DPY19L1: variants seen among roughly 807,000 people sequenced by gnomAD.
DPY19L1 encodes protein C-mannosyl-transferase DPY19L1.
In DPY19L1, 35 loss-of-function variants were observed where a neutral mutation model predicts 96.9. The ratio of observed to expected loss-of-function variants is 0.36; its 90% confidence interval spans 0.28 to 0.48. The LOEUF is 0.48. Ranked by LOEUF, DPY19L1 falls within the 20% of genes least tolerant of loss-of-function variation. DPY19L1 has a pLI of 0.99. For synonymous variants in DPY19L1, 205 were observed against 252.6 expected (o/e 0.81, Z 1.79); for missense variants, 521 against 777.9 (o/e 0.67, Z 3.93).
intron 6 of DPY19L1, among the ~76,000 whole-genome samples, chr7:34,990,291 A>C (rs328913): frequency 0.25 from 38,759 of 152,046 alleles, 5,233 homozygotes; most frequent in Non-Finnish European, 0.31. Context: ...ATGTCCTTCA[A>C]CATTTCTCAA....
intron 6 of DPY19L1, among the ~76,000 whole-genome samples, chr7:35,006,091 CA>C (rs1413457071): frequency 2.0e-5 from 3 of 152,098 alleles, no homozygotes; most frequent in East Asian, 1.9e-4. Context: ...GCACCCTTTT[CA>C]AAAGAGAAAG....
intron 1 of DPY19L1, among the ~76,000 whole-genome samples, chr7:35,020,600 A>C (rs190550719): frequency 6.6e-6 from 1 of 152,298 alleles, no homozygotes; most frequent in East Asian, 1.9e-4. Context: ...GATATTGTTA[A>C]GGCATTTATT....
At chr7:34,967,155 A>G (rs751139887) in intron 9 of DPY19L1, among the ~76,000 whole-genome samples, 184 bp from the exon 10 acceptor site, 4 of 152,102 alleles carry the variant, frequency 2.6e-5, no homozygotes, top group Non-Finnish European at 5.9e-5. Context: ...ATATTGGTTG[A>G]TTTTTCTCTC....
intron 10 of DPY19L1, among the ~76,000 whole-genome samples, chr7:34,959,484 T>C (rs1784445891): frequency 6.6e-6 from 1 of 152,122 alleles, no homozygotes; most frequent in South Asian, 2.1e-4. Flanking sequence ...TCAATGATAG[T>C]CTGGATAAAG....
intron 10 of DPY19L1, among the ~76,000 whole-genome samples, chr7:34,964,336 T>C (rs1361333381): frequency 6.6e-6 from 1 of 152,196 alleles, no homozygotes; most frequent in African/African-American, 2.4e-5. Context: ...TCAGCCATAG[T>C]TGCCTATGTG....
At chr7:34,997,507 G>A (rs1276354373) in intron 6 of DPY19L1, among the ~76,000 whole-genome samples, 4 of 149,886 alleles carry the variant, frequency 2.7e-5, no homozygotes, top group Admixed American at 6.6e-5. Context: ...CTACTCGGGA[G>A]GCTGAGGCAG....
At chr7:34,973,291 C>T (rs1784764699) in intron 8 of DPY19L1, among the ~76,000 whole-genome samples, 1 of 152,130 alleles carries the variant, frequency 6.6e-6, no homozygotes, top group Non-Finnish European at 1.5e-5. Flanking sequence ...TTTGTTCCTT[C>T]TCAAGCAATC....
rs1381974740 is a variant in DPY19L1 at position 34,930,689 on chromosome 7, T to A, written c.*884A>T. 1 of 152,190 alleles carries A rather than the reference T, an allele frequency of 6.6e-6. No individual in the cohort carries two copies. Among genetic ancestry groups the A allele is most frequent in the Non-Finnish European group, 1.5e-5 (1 of 68,028 alleles). The allele number at this position is 152,190 out of a possible 1,614,324, so 9.4% of individuals were successfully genotyped here. On this transcript the variant is annotated 3_prime_UTR_variant, in exon 22 of 22. Coordinates refer to ENST00000638088, the MANE Select transcript of DPY19L1 (RefSeq NM_001366673.1). Reference sequence around the variant, plus strand: ...TATTTGGGGTTGTTCAAAATAGTTTTTCTTAAAACTATAATTAAACATGAA... The same window carrying A: ...TATTTGGGGTTGTTCAAAATAGTTTATCTTAAAACTATAATTAAACATGAA...
At chr7:35,034,546 A>G (rs186406275) in intron 1 of DPY19L1, among the ~76,000 whole-genome samples, 1 of 152,342 alleles carries the variant, frequency 6.6e-6, no homozygotes, top group East Asian at 1.9e-4. Flanking sequence ...ATAATGCCCC[A>G]CAATAAGAAA....
At chr7:35,003,055 C>G (rs1462724286) in intron 6 of DPY19L1, among the ~76,000 whole-genome samples, 5 of 152,264 alleles carry the variant, frequency 3.3e-5, no homozygotes, top group Admixed American at 1.3e-4. Flanking sequence ...CAGGCGTGAG[C>G]CACCGTGCCC....
intron 7 of DPY19L1, among the ~76,000 whole-genome samples, chr7:34,982,296 A>G (rs1784955828): frequency 1.3e-5 from 2 of 152,320 alleles, no homozygotes; most frequent in South Asian, 4.1e-4. Context: ...ATTATGTAGA[A>G]TGTCTTGCTT....
intron 10 of DPY19L1, among the ~76,000 whole-genome samples, chr7:34,959,414 CAT>C (rs1195790233): frequency 2.0e-5 from 3 of 152,150 alleles, no homozygotes; most frequent in African/African-American, 7.2e-5. Flanking sequence ...CACATGCACA[CAT>C]ATGTTTATTG....
At chr7:35,000,821 T>G (rs1219539165) in intron 6 of DPY19L1, 2 of 152,244 alleles carry the variant, frequency 1.3e-5, no homozygotes, top group African/African-American at 2.4e-5. Flanking sequence ...AAACTTTTTA[T>G]GAAATATAAA....
intron 16 of DPY19L1, 106 bp from the exon 17 acceptor site, chr7:34,942,745 T>C: frequency 1.1e-6 from 1 of 907,688 alleles, no homozygotes; most frequent in Non-Finnish European, 1.7e-6. Context: ...TCTATAACAT[T>C]CTCTCAGGAC....
chr7:34,940,131 T>G, intron 19 of DPY19L1, 22 bp downstream of exon 19: 1 of 1,459,910 alleles, frequency 6.8e-7, no homozygotes. Context: ...TATGACTTTT[T>G]TTTTCTTTTT....
intron 17 of DPY19L1, 125 bp downstream of exon 17, chr7:34,942,490 T>A (rs1784043007): frequency 1.3e-6 from 1 of 757,720 alleles, no homozygotes; most frequent in South Asian, 1.6e-5. Context: ...TAAAAACACA[T>A]AACAGGCTAT....
At chr7:34,942,686 TTAC>T (rs755987138) in intron 16 of DPY19L1, 47 bp from the exon 17 acceptor site, 3 of 1,504,566 alleles carry the variant, frequency 2.0e-6, no homozygotes, top group Admixed American at 4.2e-5. Context: ...ATTGAAGCAC[TTAC>T]GTCATATATT....
chr7:35,020,497 G>A (rs966145451), intron 1 of DPY19L1, among the ~76,000 whole-genome samples: 5 of 152,114 alleles, frequency 3.3e-5, no homozygotes, highest in Admixed American at 2.0e-4. Flanking sequence ...TACAGGTATT[G>A]TTAACATATG....
intron 10 of DPY19L1, among the ~76,000 whole-genome samples, chr7:34,963,847 T>C (rs540751233): frequency 7.0e-4 from 107 of 152,228 alleles, no homozygotes; most frequent in Non-Finnish European, 1.6e-4. Flanking sequence ...AAAAGACAAA[T>C]ACTGTATGAT....
Sources: allele counts gnomAD v4.1 joint callset (sites outside exome capture counted in the v4.1 genomes callset), GRCh38; gene constraint gnomAD v4.1.1; transcripts MANE v1.5; gene names NCBI Gene and HGNC (gene_info 2026-07-23, HGNC 2026-07-21).